Variants in TFB1M observed in about 807,000 individuals in gnomAD.
TFB1M encodes the protein transcription factor B1, mitochondrial.
In TFB1M, 27 loss-of-function variants were observed where a neutral mutation model predicts 31.1. That is an observed-to-expected ratio of 0.87 (90% CI 0.64 to 1.20). The LOEUF is 1.20. Ranked by LOEUF, TFB1M falls within the 50% of genes most tolerant of loss-of-function variation. The pLI is 0.00. For missense variants in TFB1M, 394 were observed against 418.7 expected, an observed-to-expected ratio of 0.94 and a Z score of 0.51; for synonymous variants, 166 against 151.8, an observed-to-expected ratio of 1.09 and a Z score of -0.69.
At chr6:155,254,761 A>G, downstream of TFB1M, 2 of 636,728 alleles carry the variant, frequency 3.1e-6, no homozygotes, top group Non-Finnish European at 5.2e-6. Flanking sequence ...GCCACCCCCA[A>G]CCCCCAGTCC....
the TFB1M span, among the ~76,000 whole-genome samples, chr6:155,239,080 C>T: frequency 6.6e-6 from 1 of 152,116 alleles, no homozygotes; most frequent in Non-Finnish European, 1.5e-5. Context: ...CAAGTTTGAC[C>T]AACATGCTTG....
chr6:155,271,233 A>G (rs1039096516), intron 5 of TFB1M, among the ~76,000 whole-genome samples: 3 of 152,228 alleles, frequency 2.0e-5, no homozygotes, highest in African/African-American at 7.2e-5. Flanking sequence ...CTATGAATTT[A>G]TAGCTTGTAG....
chr6:155,292,861 G>A (rs971020550), intron 4 of TFB1M, among the ~76,000 whole-genome samples: 1 of 152,124 alleles, frequency 6.6e-6, no homozygotes, highest in Non-Finnish European at 1.5e-5. Context: ...ACAGGGTCTT[G>A]CTCTGCCGCC....
chr6:155,253,067 G>A (rs753964236), downstream of TFB1M: 9 of 1,603,316 alleles, frequency 5.6e-6, no homozygotes, highest in Non-Finnish European at 7.7e-6. Flanking sequence ...ACTGTTTCGT[G>A]CAGTATGATG....
chr6:155,245,762 T>TTG, the TFB1M span: 1 of 1,459,692 alleles, frequency 6.9e-7, no homozygotes, highest in Non-Finnish European at 9.3e-7. Context: ...ATAGTTTTTT[T>TTG]TTTTTTTTGC....
the TFB1M span, among the ~76,000 whole-genome samples, chr6:155,231,430 G>A: frequency 6.6e-6 from 1 of 152,216 alleles, no homozygotes; most frequent in African/African-American, 2.4e-5. Flanking sequence ...TTTCCCTGGA[G>A]TATTTAGTGT....
At chr6:155,259,888 A>AAGTC (rs1784314019) in intron 6 of TFB1M, among the ~76,000 whole-genome samples, 1 of 152,196 alleles carries the variant, frequency 6.6e-6, no homozygotes, top group Non-Finnish European at 1.5e-5. Flanking sequence ...GGCTGCTCAG[A>AAGTC]AGTCATATTT....
At chr6:155,240,402 T>C in the TFB1M span, 21 of 926,806 alleles carry the variant, frequency 2.3e-5, no homozygotes, top group South Asian at 4.6e-5. Flanking sequence ...ATGAAACCCT[T>C]TGCCCTACAC....
intron 5 of TFB1M, chr6:155,276,144 A>C (rs1025672333): frequency 5.0e-6 from 8 of 1,614,048 alleles, no homozygotes; most frequent in African/African-American, 1.3e-5. Context: ...TACACAAAGG[A>C]GATCATAGCA....
chr6:155,311,259 A>T lies in TFB1M; in HGVS notation c.214T>A (p.Ser72Thr). 6.2e-7 allele frequency: 1 copy of T among 1,614,108 alleles called. No homozygotes were observed. The highest frequency in any genetic ancestry group is 8.5e-7 in the Non-Finnish European group (1 of 1,179,944). ...VGPGPGGITR[S>T]ILNADVAELL... is the part of the protein sequence containing the mutation. ...TCAGCGACGTCGGCATTAAGAATAGATCTTGTGATTCCCCCTGGCCCAGGG... is the reference window on the plus strand; with the variant it reads ...TCAGCGACGTCGGCATTAAGAATAGTTCTTGTGATTCCCCCTGGCCCAGGG... Residue 72 changes from serine to threonine, a missense_variant, in exon 2 of 7, where the codon TCT becomes ACT. By Grantham distance (58) the Ser-to-Thr change is moderately conservative (BLOSUM62 1). Around this residue, in one of 3 missense-constraint regions of TFB1M, gnomAD observed 273 missense variants for 256.4 expected, o/e 1.06. Coordinates refer to ENST00000367166, the MANE Select transcript of TFB1M (RefSeq NM_016020.4).
intron 2 of TFB1M, among the ~76,000 whole-genome samples, chr6:155,308,834 T>A (rs1428723049): frequency 2.0e-5 from 3 of 152,174 alleles, no homozygotes; most frequent in Non-Finnish European, 4.4e-5. Flanking sequence ...TAAAATGGTA[T>A]CCTTAAAATA....
intron 5 of TFB1M, chr6:155,275,824 T>C: frequency 1.2e-6 from 2 of 1,614,124 alleles, no homozygotes; most frequent in Non-Finnish European, 1.7e-6. Context: ...TGAATGTGGA[T>C]GTGGACTCCA....
At chr6:155,288,897 T>C (rs963589043) in intron 4 of TFB1M, among the ~76,000 whole-genome samples, 1 of 152,190 alleles carries the variant, frequency 6.6e-6, no homozygotes, top group African/African-American at 2.4e-5. Flanking sequence ...GGGAAAGCTA[T>C]AAAAATTCAA....
At chr6:155,236,834 G>A in the TFB1M span, among the ~76,000 whole-genome samples, 1 of 152,048 alleles carries the variant, frequency 6.6e-6, no homozygotes, top group Non-Finnish European at 1.5e-5. Context: ...TCTCCCACTG[G>A]GCCCCTCCCA....
rs1784040788 is a variant in TFB1M at position 155,256,518 on chromosome 6, C to A, written c.*1318G>T. 6.2e-7 allele frequency: 1 copy of A among 1,614,068 alleles called. No individual in the cohort carries two copies. Among genetic ancestry groups the A allele is most frequent in the African/African-American group, 1.3e-5 (1 of 74,918 alleles). On this transcript the variant is annotated 3_prime_UTR_variant, in exon 7 of 7. Coordinates refer to ENST00000367166, the MANE Select transcript of TFB1M (RefSeq NM_016020.4). The stretch of plus-strand genomic sequence containing the variant: ...GGTCTTTAAAAGTCCTGAAGAATTC[C>A]TCCAGCAACGAGTGGACCGGTGAGA...
chr6:155,266,966 C>T (rs1203428553), intron 5 of TFB1M, among the ~76,000 whole-genome samples: 1 of 137,782 alleles, frequency 7.3e-6, no homozygotes, highest in Non-Finnish European at 1.5e-5. Context: ...GAATACTTTG[C>T]TGCCTTTTTT....
downstream of TFB1M, chr6:155,255,108 A>AT (rs1783916880): frequency 6.5e-6 from 1 of 153,568 alleles, no homozygotes; most frequent in East Asian, 1.9e-4. Flanking sequence ...ACACTTAATT[A>AT]TAAAACAGGC....
intron 5 of TFB1M, among the ~76,000 whole-genome samples, chr6:155,263,409 C>T (rs1352792153): frequency 6.6e-6 from 1 of 152,124 alleles, no homozygotes; most frequent in Non-Finnish European, 1.5e-5. Context: ...ACCAAAATGA[C>T]CTACTAAAAT....
chr6:155,311,113 TGGGGTTTA>T, intron 2 of TFB1M, 67 bp downstream of exon 2: 1 of 1,516,412 alleles, frequency 6.6e-7, no homozygotes, highest in Admixed American at 1.7e-5. Flanking sequence ...TTGGATACCT[TGGGGTTTA>T]AGCATCATGG....
Sources: gnomAD v4.1 joint callset for allele counts (sites outside exome capture counted in the v4.1 genomes callset) on GRCh38, gnomAD v4.1.1 for gene constraint, gnomAD v4.1.1 regional missense constraint, MANE v1.5 for transcripts, NCBI Gene and HGNC (gene_info 2026-07-23, HGNC 2026-07-21) for gene names.